The following LCK variants were observed in gnomAD, a reference collection of about 807,000 sequenced individuals.
LCK encodes tyrosine-protein kinase Lck.
LCK carries 14 observed loss-of-function variants against 64.6 expected under a neutral mutation model. The observed-to-expected ratio is 0.22, with a 90% CI of 0.14 to 0.34. The LOEUF (loss-of-function observed/expected upper bound fraction) is 0.34. Ranked by LOEUF, LCK falls within the 10% of genes least tolerant of loss-of-function variation. The pLI, the probability that LCK is intolerant of heterozygous loss-of-function variation, is 1.00. For missense variants in LCK, 434 were observed against 668.1 expected (o/e 0.65, Z 3.86); for synonymous variants, 277 against 263.6 (o/e 1.05, Z -0.49).
chr1:32,270,691 A>AT (rs1557579881), intron 1 of LCK, among the ~76,000 whole-genome samples: 4 of 83,408 alleles, frequency 4.8e-5, no homozygotes, highest in African/African-American at 1.5e-4. Context: ...TCGTGCCCGG[A>AT]CTTTTTTTTT....
chr1:32,274,668 G>C (rs933922243), intron 2 of LCK, 69 bp from the exon 3 acceptor site: 12 of 1,291,810 alleles, frequency 9.3e-6, no homozygotes, highest in South Asian at 4.1e-5. Flanking sequence ...AGCAGAGCAG[G>C]GGGGAAGGGG....
intron 1 of LCK, among the ~76,000 whole-genome samples, chr1:32,260,092 G>A (rs1639730111): frequency 6.6e-6 from 1 of 151,404 alleles, no homozygotes; most frequent in African/African-American, 2.4e-5. Context: ...TCGCCACGCT[G>A]GAGTGCAGTC....
In LCK at chr1:32,276,673, C is replaced by G. The variant is rs142611772; in HGVS notation, c.851C>G (p.Ala284Gly). ...AAGCAGGGCAGCATGTCCCCGGACGCCTTCCTGGCCGAGGCCAACCTCATG... is the reference window on the plus strand; with the variant it reads ...AAGCAGGGCAGCATGTCCCCGGACGGCTTCCTGGCCGAGGCCAACCTCATG... ...SLKQGSMSPDAFLAEANLMKQ... is the reference protein window; with the variant it reads ...SLKQGSMSPDGFLAEANLMKQ... The change falls in exon 9 of 13, where the codon GCC (alanine) becomes GGC (glycine). Residue 284 changes from alanine (A) to glycine (G), a missense_variant. Around this residue, in one of 2 missense-constraint regions of LCK, gnomAD observed 201 missense variants for 376.9 expected, o/e 0.53. Transcript: ENST00000336890. This position sits in a 1 kb window ranked among gnomAD's most constrained non-coding sequence, Gnocchi z 4.6. The G allele has an allele frequency of 5.0e-5, 80 of 1,614,108 alleles. No homozygotes were observed. In the African/African-American group the frequency reaches 8.9e-4, roughly 18 times the overall value.
intron 1 of LCK, 145 bp from the exon 2 acceptor site, chr1:32,274,180 C>T: frequency 6.7e-7 from 1 of 1,492,972 alleles, no homozygotes; most frequent in Non-Finnish European, 8.9e-7. Context: ...CCTATTTTAG[C>T]TTTTCTGTGG....
chr1:32,272,959 GTGT>G (rs1640147659), intron 1 of LCK, among the ~76,000 whole-genome samples: 2 of 146,950 alleles, frequency 1.4e-5, no homozygotes, highest in African/African-American at 5.1e-5. Context: ...GAATGTGTGT[GTGT>G]GGGGTGAGTG....
At chr1:32,252,146 A>T (rs1225873408) in intron 1 of LCK, among the ~76,000 whole-genome samples, 1 of 151,968 alleles carries the variant, frequency 6.6e-6, no homozygotes, top group African/African-American at 2.4e-5. Context: ...AGGAAGTACT[A>T]TTTTTATCCC....
In LCK at chr1:32,274,380, C is replaced by G. The variant is rs751726470; in HGVS notation, c.51C>G (p.Ile17Met). The G allele has an allele frequency of 6.2e-7, 1 of 1,614,114 alleles. No homozygotes were observed. The highest frequency in any genetic ancestry group is 1.3e-5 in the African/African-American group (1 of 75,040). Residue 17 changes from isoleucine to methionine, a missense_variant, in exon 2 of 13, where the codon ATC becomes ATG. By Grantham distance (10) the Ile-to-Met change is conservative. Coordinates refer to ENST00000336890, the MANE Select transcript of LCK (RefSeq NM_005356.5). ...SHPEDDWMEN[I>M]DVCENCHYPI... ...CGGAAGATGACTGGATGGAAAACAT[C>G]GATGTGTGTGAGAACTGCCATTATC...
At chr1:32,283,795 T>C (rs1640531565) in intron 12 of LCK, among the ~76,000 whole-genome samples, 1 of 152,194 alleles carries the variant, frequency 6.6e-6, no homozygotes, top group Non-Finnish European at 1.5e-5. Context: ...CACCACTGTC[T>C]TGGTTGTGGG....
rs924005712 is a variant in LCK, at chr1:32,255,836, T to C, written c.-6+4465T>C. On this transcript the variant is annotated intron_variant, in intron 1 of 12. Coordinates refer to ENST00000336890, the MANE Select transcript of LCK (RefSeq NM_005356.5). Reference sequence around the variant, plus strand: ...TTTTTTTTTTGAGACAGTGTCTCAGTCTGTTGCCCCGGCTGGGGCACATGG... The same window carrying C: ...TTTTTTTTTTGAGACAGTGTCTCAGCCTGTTGCCCCGGCTGGGGCACATGG... 2.7e-5 allele frequency among the ~76,000 whole-genome samples: 4 copies of C among 148,248 alleles called. No homozygotes were observed. In the Admixed American group the frequency reaches 2.8e-4, roughly 10 times the overall value.
intron 1 of LCK, 122 bp from the exon 2 acceptor site, chr1:32,274,203 G>A: frequency 6.5e-7 from 1 of 1,540,842 alleles, no homozygotes; most frequent in African/African-American, 1.4e-5. Flanking sequence ...GGTGAATGGG[G>A]ATCCCAGGAT....
chr1:32,280,252 C>A, intron 12 of LCK, 42 bp downstream of exon 12: 1 of 1,609,646 alleles, frequency 6.2e-7, no homozygotes, highest in Non-Finnish European at 8.5e-7. Context: ...ATGGGAAGGG[C>A]AAGTCCATGT....
intron 12 of LCK, among the ~76,000 whole-genome samples, chr1:32,281,859 T>C (rs886683861): frequency 6.6e-6 from 1 of 151,864 alleles, no homozygotes; most frequent in African/African-American, 2.4e-5. Flanking sequence ...GGTCAGGTGT[T>C]CGAGACCAGC....
intron 1 of LCK, among the ~76,000 whole-genome samples, chr1:32,272,642 A>AGAGAGAGAGAGAGAGC (rs1640120321): frequency 7.3e-6 from 1 of 137,592 alleles, no homozygotes; most frequent in Non-Finnish European, 1.5e-5. Context: ...AGAGAGAGAG[A>AGAGAGAGAGAGAGAGC]GAGAGAGCGA....
Position 32,275,056 on chromosome 1 carries a change from A to G in LCK, c.251A>G (p.Lys84Arg), listed in dbSNP as rs1301869806. The stretch of plus-strand genomic sequence containing the variant: ...CACGACGGAGATCTGGGCTTTGAGA[A>G]GGGGGAACAGCTCCGCATCCTGGAG... ...PSHDGDLGFE[K>R]GEQLRILEQS... The change falls in exon 4 of 13, where the codon AAG (lysine) becomes AGG (arginine). Residue 84 changes from lysine to arginine, a missense_variant. Physicochemically the swap from Lys to Arg is conservative, Grantham distance 26. This residue lies in a region of LCK where 233 missense variants were observed against 291.2 expected (regional missense o/e 0.80). Transcript: ENST00000336890. This position sits in a 1 kb window ranked among gnomAD's most constrained non-coding sequence, Gnocchi z 6.9. 6.2e-7 allele frequency: 1 copy of G among 1,613,812 alleles called. No homozygotes were observed. Among genetic ancestry groups the G allele is most frequent in the Admixed American group, 1.7e-5 (1 of 60,010 alleles).
intron 1 of LCK, among the ~76,000 whole-genome samples, chr1:32,261,387 C>A (rs1226708243): frequency 1.3e-5 from 2 of 151,646 alleles, no homozygotes; most frequent in East Asian, 3.9e-4. Flanking sequence ...GTGGCTCAAG[C>A]CTGTAATCCC....
At chr1:32,284,438 T>C (rs2124381602) in intron 12 of LCK, among the ~76,000 whole-genome samples, 1 of 151,960 alleles carries the variant, frequency 6.6e-6, no homozygotes, top group Non-Finnish European at 1.5e-5. Flanking sequence ...CTCAGCTCAC[T>C]ACAACCTCTG....
rs139582738 is a variant in LCK, at chr1:32,281,336, C to T, written c.1327+1126C>T. ...TTAGCTGGGCATGGTGGCACACACC[C>T]GTAGTTTCAGCTATTTGGGAGGCTG... On this transcript the variant is annotated intron_variant, in intron 12 of 12. Transcript: ENST00000336890. Among the ~76,000 whole-genome samples the T allele has an allele frequency of 8.2e-3, 1,205 of 146,282 alleles. 19 individuals are homozygous for T. Among genetic ancestry groups the T allele is most frequent in the African/African-American group, 0.029 (1,141 of 39,704 alleles).
chr1:32,275,602 G>T lies in LCK; in HGVS notation c.411G>T (p.Ala137=). ...WFFKNLSRKD[A]ERQLLAPGNT... ...TCAAGAACCTGAGCCGCAAGGACGC[G>T]GAGCGGCAGCTCCTGGCGCCCGGGA... Residue 137 remains alanine (A), a synonymous_variant, in exon 6 of 13, where the codon GCG becomes GCT. Transcript: ENST00000336890. The surrounding 1 kb of genome is among the most constrained non-coding windows in gnomAD (Gnocchi z 6.9). 6.4e-7 allele frequency: 1 copy of T among 1,574,196 alleles called. No individual in the cohort carries two copies. The highest frequency in any genetic ancestry group is 2.3e-5 in the East Asian group (1 of 42,966).
At position 32,276,821 on chromosome 1, in the gene LCK, T is replaced by G; in HGVS notation, c.964+35T>G. On this transcript the variant is annotated intron_variant, in intron 9 of 12. Transcript: ENST00000336890. The surrounding 1 kb of genome is among the most constrained non-coding windows in gnomAD (Gnocchi z 4.6). Reference sequence around the variant, plus strand: ...ACCCGAGTCGGCTACCAGGGGATACTGCTCTCCCTGCTGTCCCTGCCAGAG... The same window carrying G: ...ACCCGAGTCGGCTACCAGGGGATACGGCTCTCCCTGCTGTCCCTGCCAGAG... The G allele has an allele frequency of 6.5e-7, 1 of 1,539,778 alleles. No individual in the cohort carries two copies. Among genetic ancestry groups the G allele is most frequent in the Non-Finnish European group, 8.8e-7 (1 of 1,134,140 alleles).
Sources: gnomAD v4.1 joint callset for allele counts (sites outside exome capture counted in the v4.1 genomes callset) on GRCh38, gnomAD v4.1.1 for gene constraint, gnomAD v4.1.1 regional missense constraint, Gnocchi (gnomAD v3.1) non-coding constraint, MANE v1.5 for transcripts, NCBI Gene and HGNC (gene_info 2026-07-23, HGNC 2026-07-21) for gene names.